The following TMEM170B variants were observed in gnomAD, a reference collection of about 807,000 sequenced individuals.
TMEM170B encodes transmembrane protein 170B.
TMEM170B carries 6 observed loss-of-function variants against 13.0 expected under a neutral mutation model. The ratio of observed to expected loss-of-function variants is 0.46; its 90% CI spans 0.25 to 0.91. The LOEUF is 0.91. Ranked by LOEUF, TMEM170B falls within the 40% of genes least tolerant of loss-of-function variation. The pLI is 0.17. For synonymous variants in TMEM170B, 61 were observed against 64.9 expected (o/e 0.94, Z 0.29); for missense variants, 138 against 165.2 (o/e 0.84, Z 0.90).
chr6:11,572,137 T>C (rs995475217), intron 2 of TMEM170B, among the ~76,000 whole-genome samples: 4 of 152,130 alleles, frequency 2.6e-5, no homozygotes, highest in Admixed American at 2.6e-4. Flanking sequence ...GCCCATACCA[T>C]AGGGCTGAGC....
At chr6:11,546,012 TAAAA>T (rs35584418) in intron 1 of TMEM170B, among the ~76,000 whole-genome samples, 3 of 95,560 alleles carry the variant, frequency 3.1e-5, no homozygotes, top group Non-Finnish European at 4.0e-5. Flanking sequence ...ACTCCGTCTT[TAAAA>T]AAAAAAAAAA....
chr6:11,547,289 A>T lies in TMEM170B; in HGVS notation c.97+8915A>T, dbSNP rs549928766. ...TGTTCACATTCATACTGGTATAGTCAGCACCTTCCTTCAATAGCGTTCCCA... is the reference window on the plus strand; with the variant it reads ...TGTTCACATTCATACTGGTATAGTCTGCACCTTCCTTCAATAGCGTTCCCA... On this transcript the variant is annotated intron_variant, in intron 1 of 2. Coordinates refer to ENST00000379426, the MANE Select transcript of TMEM170B (RefSeq NM_001100829.3). Among the ~76,000 whole-genome samples, 13 of 152,328 alleles carry T rather than the reference A, an allele frequency of 8.5e-5. 1 individual carries two copies. The highest frequency in any genetic ancestry group is 3.1e-4 in the African/African-American group (13 of 41,586).
chr6:11,550,162 G>A (rs761274394), intron 1 of TMEM170B, among the ~76,000 whole-genome samples: 13 of 148,056 alleles, frequency 8.8e-5, no homozygotes, highest in Non-Finnish European at 1.8e-4. Flanking sequence ...TAATCCTGTC[G>A]TGGCTTATAT....
intron 1 of TMEM170B, among the ~76,000 whole-genome samples, chr6:11,560,073 T>G (rs1759642362): frequency 6.6e-6 from 1 of 151,988 alleles, no homozygotes; most frequent in Non-Finnish European, 1.5e-5. Flanking sequence ...CTGTCTCTAC[T>G]GCATACCCAG....
intron 1 of TMEM170B, among the ~76,000 whole-genome samples, chr6:11,539,567 A>G (rs943007948): frequency 1.3e-5 from 2 of 152,206 alleles, no homozygotes; most frequent in East Asian, 1.9e-4. Flanking sequence ...TGGAAACTAT[A>G]CAGTTAAAGT....
At chr6:11,568,254 G>A (rs180766306) in intron 2 of TMEM170B, among the ~76,000 whole-genome samples, 1 of 152,298 alleles carries the variant, frequency 6.6e-6, no homozygotes, top group East Asian at 1.9e-4. Flanking sequence ...AGGAGTTAAT[G>A]TAAGAACCAT....
chr6:11,549,662 C>CAAA (rs111556696), intron 1 of TMEM170B, among the ~76,000 whole-genome samples: 3 of 109,276 alleles, frequency 2.7e-5, no homozygotes, highest in Non-Finnish European at 1.9e-5. Context: ...GACTCCGTCT[C>CAAA]AAAAAAAAAA....
chr6:11,559,741 A>C (rs1759637636), intron 1 of TMEM170B, among the ~76,000 whole-genome samples: 1 of 152,202 alleles, frequency 6.6e-6, no homozygotes, highest in Non-Finnish European at 1.5e-5. Context: ...TGGTATAATA[A>C]AAAGCTTGAA....
intron 2 of TMEM170B, among the ~76,000 whole-genome samples, chr6:11,566,909 A>G (rs1759741703): frequency 6.6e-6 from 1 of 152,096 alleles, no homozygotes. Context: ...GTCATACTCC[A>G]CCATTTTGTT....
chr6:11,538,558 C>T (rs895334453), intron 1 of TMEM170B, among the ~76,000 whole-genome samples, 184 bp downstream of exon 1: 1 of 152,144 alleles, frequency 6.6e-6, no homozygotes, highest in Non-Finnish European at 1.5e-5. Context: ...GCGCCGGCTC[C>T]CGCCACCCCC....
rs2113792057 is a variant in TMEM170B, at chr6:11,582,286, A to G, written c.*6725A>G. 1 of 152,338 alleles carries G rather than the reference A, an allele frequency of 6.6e-6. No homozygotes were observed. Among genetic ancestry groups the G allele is most frequent in the Admixed American group, 6.5e-5 (1 of 15,302 alleles). 9.4% of individuals were successfully genotyped at this position (152,338 alleles called of 1,614,324 possible). On this transcript the variant is annotated 3_prime_UTR_variant, in exon 3 of 3. Transcript: ENST00000379426. The stretch of plus-strand genomic sequence containing the variant: ...ATGAATCTTTTGGTAAATCACAGGC[A>G]GATTTTAAAAGCTAAATGAAGCCTT...
At position 11,575,423 on chromosome 6, in the gene TMEM170B, C is replaced by G; in HGVS notation, c.269-8C>G. The G allele has an allele frequency of 6.2e-7, 1 of 1,612,910 alleles. No homozygotes were observed. On this transcript the variant is annotated splice_region_variant and splice_polypyrimidine_tract_variant and intron_variant, in intron 2 of 2. Transcript: ENST00000379426. The surrounding 1 kb of genome is among the most constrained non-coding windows in gnomAD (Gnocchi z 4.1). ...GTATCCCTTCATTTTTCTCCCGTTT[C>G]TCCTTAGGTGCAGCAGTAGCGGGCA...
intron 1 of TMEM170B, among the ~76,000 whole-genome samples, chr6:11,548,956 G>T (rs1759479380): frequency 6.6e-6 from 1 of 152,092 alleles, no homozygotes; most frequent in African/African-American, 2.4e-5. Context: ...GATAGCATTA[G>T]GAGATATACC....
At chr6:11,541,878 G>T (rs1288414223) in intron 1 of TMEM170B, among the ~76,000 whole-genome samples, 6 of 152,184 alleles carry the variant, frequency 3.9e-5, no homozygotes, top group African/African-American at 1.4e-4. Context: ...GAAACCCGAG[G>T]AGAGGGAGAG....
chr6:11,575,186 A>T lies in TMEM170B; in HGVS notation c.269-245A>T, dbSNP rs1029671644. Among the ~76,000 whole-genome samples the T allele has an allele frequency of 1.3e-5, 2 of 152,158 alleles. No individual in the cohort carries two copies. Among genetic ancestry groups the T allele is most frequent in the Non-Finnish European group, 2.9e-5 (2 of 68,020 alleles). On this transcript the variant is annotated intron_variant, in intron 2 of 2. Transcript: ENST00000379426. The surrounding 1 kb of genome is among the most constrained non-coding windows in gnomAD (Gnocchi z 4.1). ...ATATTTGCTATCAAGTATGCAGCAT[A>T]TACCATAAATATATATCTTTTGGTT... is the stretch of plus-strand genomic sequence containing the variant.
At chr6:11,563,215 A>G (rs1759693387) in intron 1 of TMEM170B, among the ~76,000 whole-genome samples, 1 of 152,114 alleles carries the variant, frequency 6.6e-6, no homozygotes. Flanking sequence ...GGGCACCTGT[A>G]ATCCCAGCTA....
intron 2 of TMEM170B, among the ~76,000 whole-genome samples, chr6:11,569,148 T>C (rs1034652444): frequency 1.3e-5 from 2 of 152,104 alleles, no homozygotes; most frequent in Non-Finnish European, 2.9e-5. Flanking sequence ...TCTTTTGGTA[T>C]TCTTGTTTCC....
rs889690051 is a variant in TMEM170B, at chr6:11,582,291, T to C, written c.*6730T>C. 5 of 152,222 alleles carry C rather than the reference T, an allele frequency of 3.3e-5. No homozygotes were observed. The highest frequency in any genetic ancestry group is 7.3e-5 in the Non-Finnish European group (5 of 68,028). The allele number at this position is 152,222 out of a possible 1,614,324, so 9.4% of individuals were successfully genotyped here. ...TCTTTTGGTAAATCACAGGCAGATT[T>C]TAAAAGCTAAATGAAGCCTTAGTGC... On this transcript the variant is annotated 3_prime_UTR_variant, in exon 3 of 3. Coordinates refer to ENST00000379426, the MANE Select transcript of TMEM170B (RefSeq NM_001100829.3).
Position 11,575,578 on chromosome 6 carries a change from T to C in TMEM170B, c.*17T>C, listed in dbSNP as rs528665181. On this transcript the variant is annotated 3_prime_UTR_variant, in exon 3 of 3. Coordinates refer to ENST00000379426, the MANE Select transcript of TMEM170B (RefSeq NM_001100829.3). This position sits in a 1 kb window ranked among gnomAD's most constrained non-coding sequence, Gnocchi z 4.1. ...ACACTTTGAGGTTTCTGTGGGAATG[T>C]CTTACTTCACATAAGGAAACAGATG... The C allele has an allele frequency of 6.2e-7, 1 of 1,612,014 alleles. No homozygotes were observed. Among genetic ancestry groups the C allele is most frequent in the South Asian group, 1.1e-5 (1 of 90,970 alleles).
Sources: allele counts gnomAD v4.1 joint callset (sites outside exome capture counted in the v4.1 genomes callset), GRCh38; gene constraint gnomAD v4.1.1; non-coding constraint Gnocchi (gnomAD v3.1); transcripts MANE v1.5; gene names NCBI Gene and HGNC (gene_info 2026-07-23, HGNC 2026-07-21).